FAM133B: variants seen among roughly 807,000 people sequenced by gnomAD.
FAM133B encodes the protein family with sequence similarity 133 member B.
FAM133B carries 25 observed loss-of-function variants against 46.4 expected under a neutral mutation model. The observed-to-expected ratio is 0.54, with a 90% CI of 0.39 to 0.75. The LOEUF (loss-of-function observed/expected upper bound fraction) is 0.75. Among genes scored for constraint, FAM133B ranks in the 30% least tolerant of loss-of-function variants. The probability of loss-of-function intolerance (pLI) is 0.00; values close to 1 mark genes in which losing one functional copy is unlikely to be tolerated. For synonymous variants in FAM133B, 75 were observed against 86.0 expected (o/e 0.87, Z 0.71); for missense variants, 205 against 277.6 (o/e 0.74, Z 1.86).
chr7:92,573,227 G>C (rs1280469042), intron 8 of FAM133B, among the ~76,000 whole-genome samples: 1 of 149,404 alleles, frequency 6.7e-6, no homozygotes, highest in African/African-American at 2.5e-5. Flanking sequence ...GAGTGCACTG[G>C]CATGATCATA....
At chr7:92,568,546 T>TTTG (rs1794436055) in intron 9 of FAM133B, among the ~76,000 whole-genome samples, 1 of 149,790 alleles carries the variant, frequency 6.7e-6, no homozygotes, top group African/African-American at 2.5e-5. Flanking sequence ...TTTTTTTTTT[T>TTTG]TAGCAGAGAT....
chr7:92,567,493 AT>A (rs1303013801), intron 9 of FAM133B, among the ~76,000 whole-genome samples: 7 of 152,344 alleles, frequency 4.6e-5, no homozygotes, highest in East Asian at 1.9e-4. Flanking sequence ...ACTAAAAAAA[AT>A]ATAACACATT....
At chr7:92,566,111 T>C in intron 9 of FAM133B, 50 bp from the exon 10 acceptor site, 1 of 1,565,494 alleles carries the variant, frequency 6.4e-7, no homozygotes, top group East Asian at 2.2e-5. Context: ...ATGTAATTTG[T>C]ACTCAAGGCA....
At chr7:92,589,458 A>C (rs1795127338) in intron 1 of FAM133B, among the ~76,000 whole-genome samples, 1 of 152,228 alleles carries the variant, frequency 6.6e-6, no homozygotes, top group Admixed American at 6.5e-5. Flanking sequence ...CACTAGAGTA[A>C]TAATTTTCAT....
At chr7:92,588,242 T>G (rs1795091489) in intron 1 of FAM133B, among the ~76,000 whole-genome samples, 1 of 152,240 alleles carries the variant, frequency 6.6e-6, no homozygotes, top group Non-Finnish European at 1.5e-5. Flanking sequence ...AATGTTCTAG[T>G]AAATGAAGCT....
chr7:92,585,893 C>G (rs1795024323), intron 1 of FAM133B, among the ~76,000 whole-genome samples: 1 of 152,168 alleles, frequency 6.6e-6, no homozygotes, highest in African/African-American at 2.4e-5. Flanking sequence ...TACTGCCACT[C>G]CAACTCAGAG....
At chr7:92,582,109 T>C (rs1794895200) in intron 1 of FAM133B, among the ~76,000 whole-genome samples, 1 of 151,846 alleles carries the variant, frequency 6.6e-6, no homozygotes, top group Admixed American at 6.6e-5. Context: ...ATTAGTCAGG[T>C]ATGGTGGCAC....
intron 8 of FAM133B, among the ~76,000 whole-genome samples, chr7:92,573,949 T>C (rs963727799): frequency 6.6e-6 from 1 of 152,092 alleles, no homozygotes; most frequent in South Asian, 2.1e-4. Flanking sequence ...CATGACCTTG[T>C]GGGCTCAGTC....
chr7:92,571,794 C>T (rs1794539130), intron 8 of FAM133B, among the ~76,000 whole-genome samples: 1 of 152,124 alleles, frequency 6.6e-6, no homozygotes, highest in South Asian at 2.1e-4. Context: ...TTAAAACATT[C>T]TTATAATGTT....
chr7:92,589,300 C>A (rs1055614773), intron 1 of FAM133B, among the ~76,000 whole-genome samples: 11 of 152,174 alleles, frequency 7.2e-5, no homozygotes, highest in African/African-American at 2.7e-4. Flanking sequence ...GCCCCCTCCC[C>A]GCCCCAGCGG....
At chr7:92,581,794 T>TTGTGTG (rs10578440) in intron 1 of FAM133B, 191 bp from the exon 2 acceptor site, 23 of 316,418 alleles carry the variant, frequency 7.3e-5, no homozygotes, top group Non-Finnish European at 9.0e-5. Context: ...TGGGAGAAAA[T>TTGTGTG]TGTGTGTGTG....
intron 10 of FAM133B, chr7:92,565,438 G>A (rs1794314875): frequency 6.6e-6 from 1 of 151,676 alleles, no homozygotes; most frequent in Non-Finnish European, 1.5e-5. Flanking sequence ...ACAGGCGTGA[G>A]CCACTGTGCC....
At chr7:92,586,450 T>G (rs747148867) in intron 1 of FAM133B, among the ~76,000 whole-genome samples, 2 of 152,194 alleles carry the variant, frequency 1.3e-5, no homozygotes, top group Non-Finnish European at 2.9e-5. Flanking sequence ...GTGTGAAAAA[T>G]AATGCTTCTA....
At chr7:92,582,619 A>G (rs1794922711) in intron 1 of FAM133B, among the ~76,000 whole-genome samples, 1 of 152,226 alleles carries the variant, frequency 6.6e-6, no homozygotes, top group Admixed American at 6.5e-5. Context: ...AGAATGTAAA[A>G]TGAGCTCCTA....
At chr7:92,565,227 T>C (rs1003335260) in intron 10 of FAM133B, among the ~76,000 whole-genome samples, 1 of 151,278 alleles carries the variant, frequency 6.6e-6, no homozygotes, top group African/African-American at 2.4e-5. Context: ...CTCAGCTCAC[T>C]GCAACCTCTG....
At chr7:92,574,851 G>C (rs1380312801) in intron 8 of FAM133B, among the ~76,000 whole-genome samples, 1 of 151,136 alleles carries the variant, frequency 6.6e-6, no homozygotes, top group Non-Finnish European at 1.5e-5. Flanking sequence ...CTTGCAGTGA[G>C]CCGAGATTGC....
At position 92,573,725 on chromosome 7, in the gene FAM133B, G is replaced by A. The variant is rs1258178087; in HGVS notation, c.516+2046C>T. 5.3e-5 allele frequency among the ~76,000 whole-genome samples: 8 copies of A among 151,550 alleles called. No homozygotes were observed. The South Asian group carries it at 1.5e-3, about 28-fold the overall frequency. Reference sequence around the variant, plus strand: ...ATCGTTCTGAAAATCAGGAATTAATGCTGAATTATATCACATCCTTCTGAC... The same window carrying A: ...ATCGTTCTGAAAATCAGGAATTAATACTGAATTATATCACATCCTTCTGAC... On this transcript the variant is annotated intron_variant, in intron 8 of 10. Coordinates refer to ENST00000445716, the MANE Select transcript of FAM133B (RefSeq NM_152789.4).
At chr7:92,579,173 C>CGG (rs113560614) in intron 3 of FAM133B, 144 bp downstream of exon 3, 11 of 610,728 alleles carry the variant, frequency 1.8e-5, no homozygotes, top group Admixed American at 3.5e-5. Context: ...ACAAGGGCGG[C>CGG]GGGGGGGGGC....
At position 92,570,474 on chromosome 7, in the gene FAM133B, A is replaced by G. The variant is rs112496710; in HGVS notation, c.517-559T>C. ...GAGTAGTACTTAGGGGCTTAAATAT[A>G]TATTTGAAGAAATAAAAAAAAATTA... On this transcript the variant is annotated intron_variant, in intron 8 of 10. Transcript: ENST00000445716. Among the ~76,000 whole-genome samples, 20 of 152,260 alleles carry G rather than the reference A, an allele frequency of 1.3e-4. 1 individual carries two copies. The highest frequency in any genetic ancestry group is 4.3e-4 in the African/African-American group (18 of 41,576).
Sources: allele counts gnomAD v4.1 joint callset (sites outside exome capture counted in the v4.1 genomes callset), GRCh38; gene constraint gnomAD v4.1.1; transcripts MANE v1.5; gene names NCBI Gene and HGNC (gene_info 2026-07-23, HGNC 2026-07-21).